Variants in C1orf141 observed in about 807,000 individuals in gnomAD.
C1orf141 encodes chromosome 1 open reading frame 141.
A neutral mutation model predicts 23.2 loss-of-function variants in C1orf141; 19 were observed. The observed-to-expected ratio is 0.82, with a 90% CI of 0.57 to 1.20. The LOEUF is 1.20. C1orf141 is among the 50% of genes most tolerant of loss of function. The pLI, the probability that C1orf141 is intolerant of heterozygous loss-of-function variation, is 0.00. For synonymous variants in C1orf141, 153 were observed against 154.6 expected (o/e 0.99, Z 0.08); for missense variants, 469 against 455.1 (o/e 1.03, Z -0.28).
At chr1:67,133,847 CTGTA>C (rs1230361350) in intron 1 of C1orf141, among the ~76,000 whole-genome samples, 1 of 152,128 alleles carries the variant, frequency 6.6e-6, no homozygotes, top group Non-Finnish European at 1.5e-5. Flanking sequence ...GTGTCTAGAA[CTGTA>C]AGAAAACAAA....
At chr1:67,123,748 G>A (rs1347582050) in intron 4 of C1orf141, 1 of 152,140 alleles carries the variant, frequency 6.6e-6, no homozygotes, top group Non-Finnish European at 1.5e-5. Flanking sequence ...TCTGAGATTT[G>A]ACCCTACTTA....
intron 4 of C1orf141, among the ~76,000 whole-genome samples, chr1:67,120,180 A>C (rs72676037): frequency 0.034 from 5,183 of 152,138 alleles, 105 homozygotes; most frequent in Non-Finnish European, 0.047. Context: ...CTTCTTTTTT[A>C]TCTCTCCCTT....
rs58157985 is a variant in C1orf141 at position 67,109,326 on chromosome 1, C to CAAAAAAAAAAA, written c.346+6015_346+6025dup. Among the ~76,000 whole-genome samples the CAAAAAAAAAAA allele has an allele frequency of 1.1e-3, 90 of 83,408 alleles. 2 individuals are homozygous for CAAAAAAAAAAA. Among genetic ancestry groups the CAAAAAAAAAAA allele is most frequent in the African/African-American group, 4.2e-3 (86 of 20,302 alleles). 54.7% of individuals were successfully genotyped at this position (83,408 alleles called of 152,430 possible). ...TGGGCGACAGAGCGAGACTCCGTCT[C>CAAAAAAAAAAA]AAAAAAAAAAAAAAAAAAAAAAAAA... On this transcript the variant is annotated intron_variant, in intron 5 of 7. Coordinates refer to ENST00000684719, the MANE Select transcript of C1orf141 (RefSeq NM_001276351.2).
At position 67,128,820 on chromosome 1, in the gene C1orf141, A is replaced by C. The variant is rs117531913; in HGVS notation, c.-17-1563T>G. Among the ~76,000 whole-genome samples, 53 of 152,304 alleles carry C rather than the reference A, an allele frequency of 3.5e-4. No individual in the cohort carries two copies. In the East Asian group the frequency reaches 0.01, roughly 29 times the overall value. On this transcript the variant is annotated intron_variant, in intron 2 of 7. Coordinates refer to ENST00000684719, the MANE Select transcript of C1orf141 (RefSeq NM_001276351.2). ...GTGATATCGTTCACAGAAAGTACAG[A>C]ATCATCAATGTTTTCAATGAATATT...
At chr1:67,139,163 T>C (rs1646611379), upstream of C1orf141, 1 of 152,252 alleles carries the variant, frequency 6.6e-6, no homozygotes, top group Non-Finnish European at 1.5e-5. Context: ...CATGATCCAG[T>C]AAGTTCTCTT....
chr1:67,124,325 T>C (rs571274799), intron 4 of C1orf141, among the ~76,000 whole-genome samples: 14 of 152,226 alleles, frequency 9.2e-5, no homozygotes, highest in African/African-American at 3.4e-4. Context: ...TGTTTGTTTG[T>C]TTTTTGAGAT....
intron 5 of C1orf141, among the ~76,000 whole-genome samples, chr1:67,105,079 C>G (rs537289859): frequency 2.0e-5 from 3 of 152,034 alleles, no homozygotes; most frequent in Admixed American, 1.3e-4. Flanking sequence ...GTAATCCCAG[C>G]ACTTTGGGAG....
intron 4 of C1orf141, among the ~76,000 whole-genome samples, chr1:67,117,086 A>G (rs1470782720): frequency 6.6e-6 from 1 of 152,090 alleles, no homozygotes; most frequent in South Asian, 2.1e-4. Flanking sequence ...GTATTTTAGC[A>G]CCTATAGCAT....
Position 67,093,204 on chromosome 1 carries a change from G to T in C1orf141, c.1004C>A (p.Ala335Asp). The T allele has an allele frequency of 6.2e-7, 1 of 1,613,808 alleles. No individual in the cohort carries two copies. Among genetic ancestry groups the T allele is most frequent in the African/African-American group, 1.3e-5 (1 of 75,028 alleles). The change falls in exon 8 of 8, where the codon GCT (alanine) becomes GAT (aspartate). Residue 335 changes from alanine to aspartate, a missense_variant. Physicochemically the swap from Ala to Asp is moderately radical, Grantham distance 126 (BLOSUM62 -2). Transcript: ENST00000684719. The stretch of plus-strand genomic sequence containing the variant: ...TTGGGCACTCATTTCATGAATAACA[G>T]CTTTATCAAGGTAACCCACAAATTG... ...TKQFVGYLDK[A>D]VIHEMSAQTG...
intron 4 of C1orf141, among the ~76,000 whole-genome samples, chr1:67,125,184 C>A (rs993102289): frequency 3.3e-5 from 5 of 152,022 alleles, no homozygotes; most frequent in Non-Finnish European, 7.4e-5. Context: ...TAATTTGGGG[C>A]AATATAATTG....
intron 5 of C1orf141, among the ~76,000 whole-genome samples, chr1:67,100,658 G>T (rs1443591765): frequency 1.3e-5 from 2 of 152,064 alleles, no homozygotes; most frequent in Admixed American, 1.3e-4. Context: ...TAGGTCCCAT[G>T]ATTTGTTCTT....
chr1:67,093,682 T>C, intron 7 of C1orf141, 78 bp from the exon 8 acceptor site: 2 of 1,093,272 alleles, frequency 1.8e-6, no homozygotes, highest in Non-Finnish European at 2.5e-6. Context: ...AACATGTAAA[T>C]AAAATTGTAA....
chr1:67,133,679 T>C (rs572082525), intron 1 of C1orf141, among the ~76,000 whole-genome samples: 1 of 152,264 alleles, frequency 6.6e-6, no homozygotes, highest in South Asian at 2.1e-4. Flanking sequence ...CTCTGGCCAG[T>C]ATGACTGGTG....
intron 3 of C1orf141, 149 bp from the exon 4 acceptor site, chr1:67,126,058 C>G (rs767134609): frequency 2.2e-5 from 20 of 897,148 alleles, no homozygotes; most frequent in Non-Finnish European, 2.9e-5. Flanking sequence ...ATAGTACAGA[C>G]TGAAAATTGG....
chr1:67,107,201 C>G (rs552226125), intron 5 of C1orf141, among the ~76,000 whole-genome samples: 1 of 152,050 alleles, frequency 6.6e-6, no homozygotes, highest in Admixed American at 6.5e-5. Context: ...ATACTTTAAT[C>G]TATACGGAAA....
chr1:67,105,885 A>C (rs1013174913), intron 5 of C1orf141, among the ~76,000 whole-genome samples: 1 of 152,192 alleles, frequency 6.6e-6, no homozygotes, highest in Non-Finnish European at 1.5e-5. Flanking sequence ...GAACCAGAAG[A>C]CAAAGTTAGG....
chr1:67,138,315 T>C (rs1259902117), upstream of C1orf141, among the ~76,000 whole-genome samples: 1 of 152,228 alleles, frequency 6.6e-6, no homozygotes, highest in Non-Finnish European at 1.5e-5. Context: ...AATGTGCTAG[T>C]TGGTCACTTA....
intron 1 of C1orf141, among the ~76,000 whole-genome samples, chr1:67,133,537 A>G (rs1646548965): frequency 1.3e-5 from 2 of 152,208 alleles, no homozygotes; most frequent in Admixed American, 6.5e-5. Context: ...TAAATGGCCC[A>G]TATTATAGGC....
intron 4 of C1orf141, among the ~76,000 whole-genome samples, chr1:67,119,518 T>C (rs1423098684): frequency 6.6e-6 from 1 of 152,176 alleles, no homozygotes; most frequent in South Asian, 2.1e-4. Context: ...AAGTTAAAGA[T>C]TTGAAAAATT....
Sources: gnomAD v4.1 joint callset for allele counts (sites outside exome capture counted in the v4.1 genomes callset) on GRCh38, gnomAD v4.1.1 for gene constraint, MANE v1.5 for transcripts, NCBI Gene and HGNC (gene_info 2026-07-23, HGNC 2026-07-21) for gene names.